The following SGPL1 variants were observed in gnomAD, a reference collection of about 807,000 sequenced individuals.
The protein encoded by SGPL1 is sphingosine-1-phosphate lyase 1, also known as SP-lyase 1.
A neutral mutation model predicts 68.9 loss-of-function variants in SGPL1; 37 were observed. The ratio of observed to expected loss-of-function variants is 0.54; its 90% CI spans 0.41 to 0.71. The LOEUF is 0.71. SGPL1 is among the 30% of genes least tolerant of loss of function. SGPL1 has a pLI of 0.00. For missense variants in SGPL1, 551 were observed against 704.6 expected (o/e 0.78, Z 2.47); for synonymous variants, 236 against 248.5 (o/e 0.95, Z 0.47).
At chr10:70,872,966 A>AT (rs1274780116) in intron 11 of SGPL1, among the ~76,000 whole-genome samples, 1 of 152,214 alleles carries the variant, frequency 6.6e-6, no homozygotes, top group Non-Finnish European at 1.5e-5. Flanking sequence ...TCAGATGGTG[A>AT]TTTTAACTTG....
In SGPL1 at chr10:70,852,505, C is replaced by G. The variant is rs116070744; in HGVS notation, c.261+1295C>G. Among the ~76,000 whole-genome samples the G allele has an allele frequency of 8.9e-3, 1,354 of 152,240 alleles. 32 individuals carry two copies. Among genetic ancestry groups the G allele is most frequent in the African/African-American group, 0.031 (1,286 of 41,538 alleles). On this transcript the variant is annotated intron_variant, in intron 4 of 14. Coordinates refer to ENST00000373202, the MANE Select transcript of SGPL1 (RefSeq NM_003901.4). ...TAGCACAAAGGAGATTAGGATTTCC[C>G]CTTATCTCCTGAATTTTTTTTTCTT...
rs1272366944 is a variant in SGPL1, at chr10:70,869,909, T to C, written c.810+12T>C. Reference sequence around the variant, plus strand: ...AGGTGGATGTGCGGGTGAGTCCCTCTGGAGGGCCCACTGTCTGTGCTGGGC... The same window carrying C: ...AGGTGGATGTGCGGGTGAGTCCCTCCGGAGGGCCCACTGTCTGTGCTGGGC... On this transcript the variant is annotated intron_variant, in intron 9 of 14. Transcript: ENST00000373202. The C allele has an allele frequency of 6.2e-7, 1 of 1,608,160 alleles. No individual in the cohort carries two copies. Among genetic ancestry groups the C allele is most frequent in the Non-Finnish European group, 8.5e-7 (1 of 1,175,034 alleles).
At chr10:70,842,082 A>G (rs1343470426) in intron 2 of SGPL1, among the ~76,000 whole-genome samples, 4 of 152,150 alleles carry the variant, frequency 2.6e-5, no homozygotes, top group Non-Finnish European at 5.9e-5. Context: ...AAATTTTTCT[A>G]CGTAGTTCAT....
chr10:70,863,698 C>T (rs1411246761), intron 7 of SGPL1, among the ~76,000 whole-genome samples: 1 of 152,170 alleles, frequency 6.6e-6, no homozygotes. Flanking sequence ...TGAATTCTGA[C>T]CACAAACTCA....
intron 14 of SGPL1, 142 bp from the exon 15 acceptor site, chr10:70,877,053 T>C: frequency 1.4e-6 from 1 of 735,724 alleles, no homozygotes; most frequent in Non-Finnish European, 2.2e-6. Context: ...TCTGATAGAA[T>C]GATGGGATGC....
intron 2 of SGPL1, among the ~76,000 whole-genome samples, chr10:70,840,348 C>T (rs763163731): frequency 1.6e-4 from 25 of 152,158 alleles, no homozygotes; most frequent in Non-Finnish European, 2.9e-4. Flanking sequence ...TCAGCTCTTA[C>T]ATTCTGTGCT....
chr10:70,833,839 TG>T (rs1845583691), intron 2 of SGPL1, among the ~76,000 whole-genome samples: 1 of 152,206 alleles, frequency 6.6e-6, no homozygotes, highest in Non-Finnish European at 1.5e-5. Flanking sequence ...ATGGTCCTTC[TG>T]GAAAAAGTAT....
rs190796923 is a variant in SGPL1, at chr10:70,854,153, G to A, written c.262-555G>A. On this transcript the variant is annotated intron_variant, in intron 4 of 14. Coordinates refer to ENST00000373202, the MANE Select transcript of SGPL1 (RefSeq NM_003901.4). ...TCAATGTGGCAGAGAAAAGGGTTAT[G>A]GGGAAATTGGGTGCAACTTTTTTTT... is the stretch of plus-strand genomic sequence containing the variant. Among the ~76,000 whole-genome samples the A allele has an allele frequency of 2.0e-5, 3 of 152,044 alleles. No homozygotes were observed. The East Asian group carries it at 5.8e-4, about 29-fold the overall frequency.
In SGPL1 at chr10:70,873,419, CTTCGT is replaced by C; in HGVS notation, c.1129_1133del (p.Phe377ArgfsTer23). 6.2e-7 allele frequency: 1 copy of C among 1,614,270 alleles called. No individual in the cohort carries two copies. The highest frequency in any genetic ancestry group is 8.5e-7 in the Non-Finnish European group (1 of 1,180,046). Reference sequence around the variant, plus strand: ...ACAAGAAGTACAGGAACTATCAGTTCTTCGTCGATACAGATTGGCAGGGTGGCATC... The same window carrying C: ...ACAAGAAGTACAGGAACTATCAGTTCCGATACAGATTGGCAGGGTGGCATC... On this transcript the variant is annotated frameshift_variant, in exon 12 of 15. Coordinates refer to ENST00000373202, the MANE Select transcript of SGPL1 (RefSeq NM_003901.4). LOFTEE classifies it high-confidence loss of function.
intron 5 of SGPL1, 22 bp downstream of exon 5, chr10:70,854,877 T>C (rs1845940370): frequency 6.4e-7 from 1 of 1,569,886 alleles, no homozygotes; most frequent in African/African-American, 1.4e-5. Flanking sequence ...GGCATATACA[T>C]GCTCTCTACT....
chr10:70,878,732 C>T lies in SGPL1; in HGVS notation c.*1397C>T, dbSNP rs565984436. The T allele has an allele frequency of 6.6e-6, 1 of 152,354 alleles. No individual in the cohort carries two copies. Among genetic ancestry groups the T allele is most frequent in the East Asian group, 1.9e-4 (1 of 5,186 alleles). The allele number at this position is 152,354 out of a possible 1,614,324, so 9.4% of individuals were successfully genotyped here. A position where few individuals can be genotyped will look rare whatever the true frequency, so the allele number is the denominator to read the frequency against. On this transcript the variant is annotated 3_prime_UTR_variant, in exon 15 of 15. Coordinates refer to ENST00000373202, the MANE Select transcript of SGPL1 (RefSeq NM_003901.4). ...GCACCCGTAGCAAGGAAAATTTTCT[C>T]TATTAGTGTGTTCTTCTGCCTCTTC... is the stretch of plus-strand genomic sequence containing the variant.
At chr10:70,828,667 A>T (rs56689096) in intron 2 of SGPL1, among the ~76,000 whole-genome samples, 2 of 152,338 alleles carry the variant, frequency 1.3e-5, no homozygotes, top group African/African-American at 4.8e-5. Context: ...GGCAGAATTT[A>T]AAATATTTGT....
intron 11 of SGPL1, among the ~76,000 whole-genome samples, chr10:70,872,646 T>G (rs7085273): frequency 0.35 from 53,091 of 152,086 alleles, 9,607 homozygotes; most frequent in South Asian, 0.5. Context: ...TCAAGTATAT[T>G]AAAGACTTGT....
intron 8 of SGPL1, among the ~76,000 whole-genome samples, 160 bp downstream of exon 8, chr10:70,868,593 C>T (rs1216592127): frequency 2.0e-5 from 3 of 152,148 alleles, no homozygotes; most frequent in African/African-American, 7.2e-5. Context: ...TATCCTTTTA[C>T]ATTCAGTAAA....
intron 2 of SGPL1, among the ~76,000 whole-genome samples, chr10:70,823,094 G>A (rs1027932418): frequency 6.6e-6 from 1 of 151,856 alleles, no homozygotes. Flanking sequence ...ACCGGAATGA[G>A]GACTGAAACA....
At position 70,877,547 on chromosome 10, in the gene SGPL1, T is replaced by A. The variant is rs1402555417; in HGVS notation, c.*212T>A. ...GAAGACCCCAGAGAATTCCATTACA[T>A]AATGATTTTGCCCTTGTTATAAATG... On this transcript the variant is annotated 3_prime_UTR_variant, in exon 15 of 15. Coordinates refer to ENST00000373202, the MANE Select transcript of SGPL1 (RefSeq NM_003901.4). 2.0e-6 allele frequency: 1 copy of A among 507,742 alleles called. No individual in the cohort carries two copies. Among genetic ancestry groups the A allele is most frequent in the Admixed American group, 3.1e-5 (1 of 32,290 alleles). 31.5% of individuals were successfully genotyped at this position (507,742 alleles called of 1,614,324 possible). A position where few individuals can be genotyped will look rare whatever the true frequency, so the allele number is the denominator to read the frequency against.
chr10:70,880,043 A>G lies in SGPL1; in HGVS notation c.*2708A>G, dbSNP rs2881. ...CTCTAACCTCCCCCTTCCCATTTCAATGCTCCCTTCCTAATTTCAGCAATA... is the reference window on the plus strand; with the variant it reads ...CTCTAACCTCCCCCTTCCCATTTCAGTGCTCCCTTCCTAATTTCAGCAATA... On this transcript the variant is annotated 3_prime_UTR_variant, in exon 15 of 15. Coordinates refer to ENST00000373202, the MANE Select transcript of SGPL1 (RefSeq NM_003901.4). The G allele has an allele frequency of 0.12, 18,229 of 152,590 alleles. 1,348 individuals carry two copies. The highest frequency in any genetic ancestry group is 0.17 in the Non-Finnish European group (11,405 of 67,988). The allele number at this position is 152,590 out of a possible 1,614,324, so 9.5% of individuals were successfully genotyped here. A position where few individuals can be genotyped will look rare whatever the true frequency, so the allele number is the denominator to read the frequency against.
chr10:70,868,046 G>A (rs1333376314), intron 7 of SGPL1, among the ~76,000 whole-genome samples: 1 of 152,170 alleles, frequency 6.6e-6, no homozygotes, highest in East Asian at 1.9e-4. Context: ...TCTGAAAATT[G>A]AAAAATTAAT....
At chr10:70,844,864 C>T (rs150765264) in intron 3 of SGPL1, among the ~76,000 whole-genome samples, 2,738 of 152,172 alleles carry the variant, frequency 0.018, 61 homozygotes, top group African/African-American at 0.055. Flanking sequence ...CTCGGCCTCC[C>T]GAGTAGCTGG....
Sources: gnomAD v4.1 joint callset for allele counts (sites outside exome capture counted in the v4.1 genomes callset) on GRCh38, gnomAD v4.1.1 for gene constraint, MANE v1.5 for transcripts, NCBI Gene and HGNC (gene_info 2026-07-23, HGNC 2026-07-21) for gene names.